SRBD1: variants seen among roughly 807,000 people sequenced by gnomAD.
SRBD1 encodes S1 RNA-binding domain-containing protein 1.
SRBD1 carries 88 observed loss-of-function variants against 115.3 expected under a neutral mutation model. The ratio of observed to expected loss-of-function variants is 0.76; its 90% CI spans 0.64 to 0.91. The LOEUF is 0.91. Among genes scored for constraint, SRBD1 ranks in the 40% least tolerant of loss-of-function variants. The pLI is 0.00. For missense variants in SRBD1, 1,385 were observed against 1,177.4 expected, an observed-to-expected ratio of 1.18 and a Z score of -2.58; for synonymous variants, 509 against 407.7, an observed-to-expected ratio of 1.25 and a Z score of -2.99.
chr2:45,609,109 A>G (rs1377075552), intron 1 of SRBD1, among the ~76,000 whole-genome samples: 1 of 152,158 alleles, frequency 6.6e-6, no homozygotes, highest in East Asian at 1.9e-4. Flanking sequence ...GCCTGGCCAG[A>G]AAATTCTTTA....
At chr2:45,536,344 T>C (rs1671762221) in intron 14 of SRBD1, among the ~76,000 whole-genome samples, 1 of 151,870 alleles carries the variant, frequency 6.6e-6, no homozygotes. Flanking sequence ...GAAAAAAACA[T>C]ACTTGATAGA....
chr2:45,579,914 C>T lies in SRBD1; in HGVS notation c.1033G>A (p.Glu345Lys), dbSNP rs1268429121. ...AARALLEKPG[E>K]LSLLSYIRPD... ...CTAATGTACGATAGCAGACTGAGCT[C>T]CCCTGGTTTCTCAAGCAGTGCCCTG... The change falls in exon 7 of 21, where the codon GAG becomes AAG. Residue 345 changes from glutamate (E) to lysine (K), a missense_variant. Physicochemically the swap from Glu to Lys is moderately conservative, Grantham distance 56. Transcript: ENST00000263736. 10 of 1,610,080 alleles carry T rather than the reference C, an allele frequency of 6.2e-6. No homozygotes were observed. Among genetic ancestry groups the T allele is most frequent in the Non-Finnish European group, 8.5e-6 (10 of 1,178,272 alleles).
At chr2:45,580,511 A>ATTTTTTTTTTTT (rs1227093467) in intron 6 of SRBD1, among the ~76,000 whole-genome samples, 2 of 85,776 alleles carry the variant, frequency 2.3e-5, no homozygotes, top group Non-Finnish European at 4.3e-5. Context: ...ACGTCCAGCT[A>ATTTTTTTTTTTT]TTTTTTTTTT....
intron 9 of SRBD1, among the ~76,000 whole-genome samples, chr2:45,567,533 C>T (rs533799878): frequency 1.3e-5 from 2 of 151,678 alleles, no homozygotes; most frequent in African/African-American, 4.8e-5. Context: ...GCCTTCAGCC[C>T]GCAAGGCGAA....
In SRBD1 at chr2:45,444,169, G is replaced by A. The variant is rs150671717; in HGVS notation, c.2050-24275C>T. On this transcript the variant is annotated intron_variant, in intron 16 of 20. Coordinates refer to ENST00000263736, the MANE Select transcript of SRBD1 (RefSeq NM_018079.5). ...ACCTATAATACCATAACTTTGGAAG[G>A]ACAAGGCGTGAGGATCTCTTGAGGT... is the stretch of plus-strand genomic sequence containing the variant. Among the ~76,000 whole-genome samples, 349 of 152,258 alleles carry A rather than the reference G, an allele frequency of 2.3e-3. 2 individuals carry two copies. Among genetic ancestry groups the A allele is most frequent in the African/African-American group, 8.3e-3 (343 of 41,538 alleles).
At chr2:45,467,905 T>C (rs1669537136) in intron 16 of SRBD1, among the ~76,000 whole-genome samples, 1 of 152,162 alleles carries the variant, frequency 6.6e-6, no homozygotes, top group Non-Finnish European at 1.5e-5. Context: ...TTAAAGCATC[T>C]GTAGCATTTG....
chr2:45,457,221 T>C (rs1182118781), intron 16 of SRBD1, among the ~76,000 whole-genome samples: 4 of 151,992 alleles, frequency 2.6e-5, no homozygotes, highest in African/African-American at 9.7e-5. Context: ...ACATCTTTTA[T>C]TTATAACTGA....
intron 17 of SRBD1, 133 bp downstream of exon 17, chr2:45,419,649 TACTTAA>T (rs1667936861): frequency 1.5e-6 from 1 of 646,184 alleles, no homozygotes; most frequent in Non-Finnish European, 2.7e-6. Flanking sequence ...CCCCTCTGAT[TACTTAA>T]AGCAATGTAT....
chr2:45,558,849 G>C (rs557309726), intron 10 of SRBD1, among the ~76,000 whole-genome samples: 10 of 152,084 alleles, frequency 6.6e-5, no homozygotes, highest in African/African-American at 2.4e-4. Flanking sequence ...GCACCACCAT[G>C]CCTGGTTAAT....
intron 18 of SRBD1, among the ~76,000 whole-genome samples, chr2:45,413,951 A>C (rs1442423606): frequency 6.6e-6 from 1 of 152,114 alleles, no homozygotes; most frequent in East Asian, 1.9e-4. Context: ...GAAAGAAAAG[A>C]AAAGCAAAAG....
At chr2:45,508,095 G>A (rs1362610674) in intron 14 of SRBD1, among the ~76,000 whole-genome samples, 1 of 152,120 alleles carries the variant, frequency 6.6e-6, no homozygotes, top group African/African-American at 2.4e-5. Flanking sequence ...AACAAATTTA[G>A]AAGGTTGTTC....
At chr2:45,548,983 A>C (rs1224071633) in intron 12 of SRBD1, 1 of 152,230 alleles carries the variant, frequency 6.6e-6, no homozygotes, top group Non-Finnish European at 1.5e-5. Flanking sequence ...AAAAATGTCA[A>C]AGGCTACTTC....
intron 14 of SRBD1, among the ~76,000 whole-genome samples, chr2:45,534,705 T>C (rs1309623848): frequency 6.6e-6 from 1 of 151,944 alleles, no homozygotes; most frequent in Non-Finnish European, 1.5e-5. Context: ...ACTGCACTAG[T>C]GAGAAATTAA....
chr2:45,541,757 C>G (rs992053193), intron 14 of SRBD1, among the ~76,000 whole-genome samples: 10 of 152,240 alleles, frequency 6.6e-5, no homozygotes, highest in African/African-American at 2.4e-4. Flanking sequence ...GTGTCCAGCT[C>G]TCAGCAGAGA....
At chr2:45,608,160 G>C (rs1021126969) in intron 1 of SRBD1, among the ~76,000 whole-genome samples, 1 of 152,148 alleles carries the variant, frequency 6.6e-6, no homozygotes, top group African/African-American at 2.4e-5. Context: ...TTATGTTTTT[G>C]CTTAACCATT....
chr2:45,484,994 G>C (rs1670074774), intron 15 of SRBD1, among the ~76,000 whole-genome samples: 2 of 152,146 alleles, frequency 1.3e-5, no homozygotes, highest in Non-Finnish European at 2.9e-5. Context: ...TTCATCATGT[G>C]AGTTGTTTCC....
At chr2:45,562,971 C>T (rs1038002495) in intron 9 of SRBD1, among the ~76,000 whole-genome samples, 1 of 152,052 alleles carries the variant, frequency 6.6e-6, no homozygotes, top group Non-Finnish European at 1.5e-5. Flanking sequence ...AGATACAAAG[C>T]CTATCTAACA....
intron 16 of SRBD1, among the ~76,000 whole-genome samples, chr2:45,437,490 G>C (rs890459708): frequency 1.3e-5 from 2 of 152,184 alleles, no homozygotes; most frequent in Admixed American, 6.5e-5. Context: ...TGCAACAGGT[G>C]GTGCTGGAAC....
chr2:45,402,248 A>G (rs551410171), intron 19 of SRBD1, among the ~76,000 whole-genome samples: 1 of 152,246 alleles, frequency 6.6e-6, no homozygotes, highest in South Asian at 2.1e-4. Flanking sequence ...GGTTCTAAAA[A>G]CCTGACACAA....
Sources: allele counts gnomAD v4.1 joint callset (sites outside exome capture counted in the v4.1 genomes callset), GRCh38; gene constraint gnomAD v4.1.1; transcripts MANE v1.5; gene names NCBI Gene and HGNC (gene_info 2026-07-23, HGNC 2026-07-21).